TCTN2: variants seen among roughly 807,000 people sequenced by gnomAD.
The protein encoded by TCTN2 is tectonic-2.
TCTN2 carries 66 observed loss-of-function variants against 83.4 expected under a neutral mutation model. The observed-to-expected ratio is 0.79, with a 90% CI of 0.65 to 0.97. TCTN2 has a LOEUF of 0.97. Among genes scored for constraint, TCTN2 ranks in the 50% least tolerant of loss-of-function variants. The pLI is 0.00. For synonymous variants in TCTN2, 301 were observed against 326.7 expected, an observed-to-expected ratio of 0.92 and a Z score of 0.85; for missense variants, 794 against 858.1, an observed-to-expected ratio of 0.93 and a Z score of 0.93.
In TCTN2 at chr12:123,680,520, C is replaced by CT. The variant is rs534432331; in HGVS notation, c.564+1245dup. Among the ~76,000 whole-genome samples the CT allele has an allele frequency of 4.1e-3, 571 of 138,662 alleles. 4 individuals carry two copies. Among genetic ancestry groups the CT allele is most frequent in the Non-Finnish European group, 5.8e-3 (369 of 63,670 alleles). 91.0% of individuals were successfully genotyped at this position (138,662 alleles called of 152,430 possible). On this transcript the variant is annotated intron_variant, in intron 5 of 17. Transcript: ENST00000303372. ...ACTCTATTTTCTTTCTTTTTTCTTT[C>CT]TTTTTTTTTTTTTTGAGACAGAGTC...
At chr12:123,677,492 A>T (rs1300435275) in intron 4 of TCTN2, among the ~76,000 whole-genome samples, 2 of 152,236 alleles carry the variant, frequency 1.3e-5, no homozygotes, top group East Asian at 3.8e-4. Flanking sequence ...CTGATAAATG[A>T]TTGGAGAGAA....
intron 13 of TCTN2, 87 bp from the exon 14 acceptor site, chr12:123,699,617 C>A: frequency 8.9e-7 from 1 of 1,125,174 alleles, no homozygotes; most frequent in East Asian, 2.4e-5. Flanking sequence ...TTTAGGCACT[C>A]GGAAGTGAAA....
intron 4 of TCTN2, among the ~76,000 whole-genome samples, chr12:123,676,443 C>T (rs1955822005): frequency 6.6e-6 from 1 of 151,540 alleles, no homozygotes; most frequent in Non-Finnish European, 1.5e-5. Context: ...TGGCGGGTGC[C>T]TGGAGTCCCA....
At chr12:123,685,745 A>T (rs1955957282) in intron 5 of TCTN2, among the ~76,000 whole-genome samples, 1 of 107,776 alleles carries the variant, frequency 9.3e-6, no homozygotes, top group African/African-American at 4.0e-5. Context: ...TTTTTTTAAG[A>T]AGCAGGGTCT....
intron 8 of TCTN2, among the ~76,000 whole-genome samples, 184 bp from the exon 9 acceptor site, chr12:123,692,474 T>G (rs1956055005): frequency 6.6e-6 from 1 of 152,182 alleles, no homozygotes; most frequent in Non-Finnish European, 1.5e-5. Context: ...TCCTCCGTTA[T>G]AATTAGATGC....
At position 123,671,515 on chromosome 12, in the gene TCTN2, C is replaced by T. The variant is rs766012866; in HGVS notation, c.91C>T (p.Pro31Ser). ...CTTTCCTTCCCGCCTAGCTTTCATCCCTCCTTTTATCCGAATGTCCGGCCC... is the reference window on the plus strand; with the variant it reads ...CTTTCCTTCCCGCCTAGCTTTCATCTCTCCTTTTATCCGAATGTCCGGCCC... The part of the protein sequence containing the change: ...RLLWGDLAFI[P>S]PFIRMSGPAV... The change falls in exon 2 of 18, where the codon CCT (proline) becomes TCT (serine). Residue 31 changes from proline to serine, a missense_variant. Pro to Ser is a moderately conservative substitution (Grantham distance 74, BLOSUM62 -1). Coordinates refer to ENST00000303372, the MANE Select transcript of TCTN2 (RefSeq NM_024809.5). 3 of 1,614,154 alleles carry T rather than the reference C, an allele frequency of 1.9e-6. No homozygotes were observed. The highest frequency in any genetic ancestry group is 2.2e-5 in the East Asian group (1 of 44,876).
chr12:123,684,770 G>A (rs1163963450), intron 5 of TCTN2, among the ~76,000 whole-genome samples: 1 of 152,020 alleles, frequency 6.6e-6, no homozygotes, highest in East Asian at 1.9e-4. Flanking sequence ...AAAGTACAGC[G>A]GCCGGGCACG....
chr12:123,707,660 T>C lies in TCTN2; in HGVS notation c.2041T>C (p.Leu681=), dbSNP rs112158562. Residue 681 remains leucine, a synonymous_variant, in exon 18 of 18, where the codon TTG becomes CTG. Coordinates refer to ENST00000303372, the MANE Select transcript of TCTN2 (RefSeq NM_024809.5). The stretch of plus-strand genomic sequence containing the variant: ...CTTACTGTTGCTGTTGTTCCTCACA[T>C]TGGCCTTGTTCCTCAGCAACCCCTG... ...KGLLLLLFLT[L]ALFLSNPWTR... 0.017 allele frequency: 27,077 copies of C among 1,614,186 alleles called. 317 individuals are homozygous for C. Among genetic ancestry groups the C allele is most frequent in the South Asian group, 0.038 (3,486 of 91,090 alleles).
At position 123,673,663 on chromosome 12, in the gene TCTN2, T is replaced by G. The variant is rs148032415; in HGVS notation, c.316T>G (p.Ser106Ala). 2.1e-5 allele frequency: 34 copies of G among 1,614,106 alleles called. No homozygotes were observed. In the African/African-American group the frequency reaches 3.6e-4, roughly 17 times the overall value. The change falls in exon 4 of 18, where the codon TCC (serine) becomes GCC (alanine). Residue 106 changes from serine to alanine, a missense_variant. Physicochemically the swap from Ser to Ala is moderately conservative, Grantham distance 99. Transcript: ENST00000303372. ...VRWKRGLDWC[S>A]SNETDSFSES... Reference sequence around the variant, plus strand: ...GTGGAAGAGAGGTCTGGACTGGTGTTCCTCCAATGAGACAGATTCCTTCTC... The same window carrying G: ...GTGGAAGAGAGGTCTGGACTGGTGTGCCTCCAATGAGACAGATTCCTTCTC...
At chr12:123,694,325 C>T (rs905697004) in intron 9 of TCTN2, among the ~76,000 whole-genome samples, 1 of 152,208 alleles carries the variant, frequency 6.6e-6, no homozygotes, top group African/African-American at 2.4e-5. Flanking sequence ...GACAGGGTTT[C>T]GCCATGCTGG....
intron 14 of TCTN2, among the ~76,000 whole-genome samples, chr12:123,702,323 T>G (rs1335848901): frequency 1.3e-5 from 2 of 152,210 alleles, no homozygotes; most frequent in Admixed American, 6.5e-5. Context: ...CCCTACCCTT[T>G]CCATCTCCTC....
chr12:123,680,706 G>T (rs892229097), intron 5 of TCTN2, among the ~76,000 whole-genome samples: 1 of 150,898 alleles, frequency 6.6e-6, no homozygotes, highest in Non-Finnish European at 1.5e-5. Flanking sequence ...TAGTAGAGGC[G>T]GGGTTTCACC....
intron 7 of TCTN2, among the ~76,000 whole-genome samples, chr12:123,689,317 A>G (rs766408130): frequency 4.6e-5 from 7 of 151,934 alleles, no homozygotes; most frequent in African/African-American, 7.3e-5. Flanking sequence ...TGGCCTCCCA[A>G]TGTGCTGGGA....
chr12:123,689,084 CAT>C (rs1420372675), intron 7 of TCTN2, among the ~76,000 whole-genome samples: 1 of 151,170 alleles, frequency 6.6e-6, no homozygotes, highest in African/African-American at 2.4e-5. Flanking sequence ...TGGTTTGAGA[CAT>C]AGTCTTGCTC....
In TCTN2 at chr12:123,686,949, T is replaced by C. The variant is rs778808046; in HGVS notation, c.678T>C (p.Arg226=). 1.2e-6 allele frequency: 2 copies of C among 1,614,092 alleles called. No homozygotes were observed. Among genetic ancestry groups the C allele is most frequent in the African/African-American group, 2.7e-5 (2 of 74,934 alleles). ...DQLCSAGTTT[R]GVPDWFPFLC... is the part of the protein sequence containing the mutation. The stretch of plus-strand genomic sequence containing the variant: ...TCTGCTCTGCTGGGACGACGACACG[T>C]GGTGTCCCCGATTGGTTTCCCTTTC... Residue 226 remains arginine (R), a synonymous_variant, in exon 6 of 18, where the codon CGT becomes CGC. Coordinates refer to ENST00000303372, the MANE Select transcript of TCTN2 (RefSeq NM_024809.5).
chr12:123,679,236 T>C lies in TCTN2; in HGVS notation c.511T>C (p.Cys171Arg). The C allele has an allele frequency of 1.9e-6, 3 of 1,614,156 alleles. No individual in the cohort carries two copies. Among genetic ancestry groups the C allele is most frequent in the Non-Finnish European group, 2.5e-6 (3 of 1,179,990 alleles). The change falls in exon 5 of 18, where the codon TGT becomes CGT. Residue 171 changes from cysteine (C) to arginine (R), a missense_variant. By Grantham distance (180) the Cys-to-Arg change is radical. Transcript: ENST00000303372. ...CCAGGTGTATCAGCCCCTTGGCCCT[T>C]GTCCTTGTAATTTAACAGCTGGAGC... ...PNQVYQPLGP[C>R]PCNLTAGACD...
At position 123,672,929 on chromosome 12, in the gene TCTN2, A is replaced by T. The variant is rs1204388539; in HGVS notation, c.268-686A>T. On this transcript the variant is annotated intron_variant, in intron 3 of 17. Transcript: ENST00000303372. ...GCTGGGCGTGATGGCGGGTGCCTGT[A>T]ATCTCAGCTACTTTGGAGGCTGAGG... 9.2e-5 allele frequency among the ~76,000 whole-genome samples: 14 copies of T among 152,272 alleles called. No individual in the cohort carries two copies. The East Asian group carries it at 1.9e-3, about 21-fold the overall frequency.
Position 123,707,947 on chromosome 12 carries a change from A to G in TCTN2, c.*234A>G, listed in dbSNP as rs1956251414. 1 of 479,226 alleles carries G rather than the reference A, an allele frequency of 2.1e-6. No individual in the cohort carries two copies. The highest frequency in any genetic ancestry group is 3.8e-6 in the Non-Finnish European group (1 of 262,390). 29.7% of individuals were successfully genotyped at this position (479,226 alleles called of 1,614,324 possible). A position where few individuals can be genotyped will look rare whatever the true frequency, so the allele number is the denominator to read the frequency against. Reference sequence around the variant, plus strand: ...CTGCTCTCGAACTCCTGACCTCATGATCCGCCCATCTTGGCCTCCCAAAGT... The same window carrying G: ...CTGCTCTCGAACTCCTGACCTCATGGTCCGCCCATCTTGGCCTCCCAAAGT... On this transcript the variant is annotated 3_prime_UTR_variant, in exon 18 of 18. Transcript: ENST00000303372.
intron 5 of TCTN2, among the ~76,000 whole-genome samples, chr12:123,684,867 T>G (rs376525183): frequency 1.3e-5 from 2 of 151,692 alleles, no homozygotes; most frequent in African/African-American, 4.8e-5. Context: ...CTGGCCAACA[T>G]GGTGAAACCC....
Sources: gnomAD v4.1 joint callset for allele counts (sites outside exome capture counted in the v4.1 genomes callset) on GRCh38, gnomAD v4.1.1 for gene constraint, MANE v1.5 for transcripts, NCBI Gene and HGNC (gene_info 2026-07-23, HGNC 2026-07-21) for gene names.